Variants in SRPK2 observed in about 807,000 individuals in gnomAD.
SRPK2 encodes SRSF protein kinase 2, also known as SFRS protein kinase 2.
Under a neutral mutation model 90.8 loss-of-function variants are expected in SRPK2, and 21 were observed. The ratio of observed to expected loss-of-function variants is 0.23; its 90% CI spans 0.16 to 0.33. The LOEUF (loss-of-function observed/expected upper bound fraction) is 0.33. Ranked by LOEUF, SRPK2 falls within the 10% of genes least tolerant of loss-of-function variation. SRPK2 has a pLI of 1.00. For missense variants in SRPK2, 620 were observed against 869.0 expected (o/e 0.71, Z 3.60); for synonymous variants, 288 against 311.1 (o/e 0.93, Z 0.78).
At chr7:105,383,991 T>C (rs1054414941) in intron 2 of SRPK2, among the ~76,000 whole-genome samples, 7 of 152,240 alleles carry the variant, frequency 4.6e-5, no homozygotes, top group African/African-American at 1.7e-4. Context: ...GGGAAATAAA[T>C]ATGGAGTTTC....
chr7:105,240,202 G>A (rs142032761), intron 2 of SRPK2, among the ~76,000 whole-genome samples: 1 of 152,264 alleles, frequency 6.6e-6, no homozygotes, highest in Non-Finnish European at 1.5e-5. Flanking sequence ...TCCTCATGGT[G>A]GAAGATGCAA....
intron 2 of SRPK2, among the ~76,000 whole-genome samples, chr7:105,352,254 T>C (rs1817281453): frequency 6.6e-6 from 1 of 152,230 alleles, no homozygotes; most frequent in South Asian, 2.1e-4. Context: ...GTGTGGGCTG[T>C]ACCCAGTAAC....
chr7:105,240,032 C>T (rs966567607), intron 2 of SRPK2, among the ~76,000 whole-genome samples: 8 of 152,192 alleles, frequency 5.3e-5, no homozygotes, highest in African/African-American at 1.9e-4. Context: ...AGGTCTTACT[C>T]TGTTTAGGTT....
At chr7:105,127,145 C>A in intron 13 of SRPK2, 83 bp from the exon 14 acceptor site, 1 of 1,322,602 alleles carries the variant, frequency 7.6e-7, no homozygotes. Context: ...GAAGAGACCG[C>A]CACTTTATGA....
intron 7 of SRPK2, among the ~76,000 whole-genome samples, chr7:105,149,421 T>C (rs1479195817): frequency 6.6e-6 from 1 of 152,160 alleles, no homozygotes; most frequent in Non-Finnish European, 1.5e-5. Flanking sequence ...GCTGACCTTC[T>C]CCTTATTATC....
In SRPK2 at chr7:105,143,235, T is replaced by C. The variant is rs747503799; in HGVS notation, c.909A>G (p.Glu303=). The C allele has an allele frequency of 1.2e-6, 2 of 1,614,236 alleles. No homozygotes were observed. The highest frequency in any genetic ancestry group is 1.1e-5 in the South Asian group (1 of 91,086). The change falls in exon 10 of 16, where the codon GAA becomes GAG. Residue 303 remains glutamate (E), a synonymous_variant. Coordinates refer to ENST00000393651, the MANE Select transcript of SRPK2 (RefSeq NM_182692.3). The part of the protein sequence containing the change: ...LLEKRLQEIE[E]LEREAERKII... The stretch of plus-strand genomic sequence containing the variant: ...TTTTCCTTTCAGCTTCTCGCTCCAA[T>C]TCTTCTATCTCCTGCAGGCGCTTCT...
intron 3 of SRPK2, among the ~76,000 whole-genome samples, chr7:105,178,416 T>C (rs540156438): frequency 1.5e-4 from 23 of 152,340 alleles, no homozygotes; most frequent in African/African-American, 5.5e-4. Context: ...ATCTCTGTTA[T>C]TACAGTCAAA....
intron 2 of SRPK2, among the ~76,000 whole-genome samples, chr7:105,236,848 G>T (rs1417275821): frequency 6.6e-6 from 1 of 152,118 alleles, no homozygotes; most frequent in Non-Finnish European, 1.5e-5. Context: ...CTAAATAAAT[G>T]AAAAGACACA....
chr7:105,144,818 C>T (rs145691356), intron 9 of SRPK2, among the ~76,000 whole-genome samples: 23 of 152,212 alleles, frequency 1.5e-4, no homozygotes, highest in African/African-American at 5.3e-4. Context: ...TAAAACTTAA[C>T]AAGACAGGCT....
intron 13 of SRPK2, among the ~76,000 whole-genome samples, chr7:105,131,978 G>A (rs969961258): frequency 1.9e-4 from 29 of 152,124 alleles, no homozygotes; most frequent in African/African-American, 3.6e-4. Context: ...GAACTGGCTC[G>A]CAAATGCAGG....
chr7:105,344,840 T>TA (rs35086357), intron 2 of SRPK2, among the ~76,000 whole-genome samples: 68,019 of 141,206 alleles, frequency 0.48, 16,661 homozygotes, highest in Non-Finnish European at 0.54. Flanking sequence ...CACTCACACT[T>TA]AAAAAAAAAA....
intron 7 of SRPK2, among the ~76,000 whole-genome samples, chr7:105,149,351 G>C (rs181531920): frequency 9.8e-5 from 15 of 152,288 alleles, no homozygotes; most frequent in South Asian, 6.2e-4. Context: ...TGCACGTCCA[G>C]TCATAGTACC....
intron 7 of SRPK2, among the ~76,000 whole-genome samples, chr7:105,150,377 C>A (rs1805460343): frequency 6.6e-6 from 1 of 152,086 alleles, no homozygotes; most frequent in South Asian, 2.1e-4. Context: ...AAAAACTGCA[C>A]AGGCATAGTG....
intron 14 of SRPK2, among the ~76,000 whole-genome samples, chr7:105,126,563 C>T (rs1348595449): frequency 2.0e-5 from 3 of 152,282 alleles, no homozygotes; most frequent in South Asian, 4.1e-4. Context: ...ACCCCAGCAT[C>T]GCAAGCAAAT....
chr7:105,197,734 T>A (rs1795092115), intron 3 of SRPK2, among the ~76,000 whole-genome samples: 1 of 151,942 alleles, frequency 6.6e-6, no homozygotes, highest in Non-Finnish European at 1.5e-5. Context: ...ATACCGTGGG[T>A]AATAAAGGAA....
chr7:105,137,862 C>A (rs1364183128), intron 11 of SRPK2, among the ~76,000 whole-genome samples: 1 of 152,164 alleles, frequency 6.6e-6, no homozygotes, highest in East Asian at 1.9e-4. Context: ...CTCAAATTCA[C>A]GAAGTACCGT....
intron 3 of SRPK2, among the ~76,000 whole-genome samples, chr7:105,181,142 G>T (rs1202580477): frequency 6.6e-6 from 1 of 152,152 alleles, no homozygotes; most frequent in African/African-American, 2.4e-5. Flanking sequence ...AATCATTAGA[G>T]AAATGCAAAT....
chr7:105,377,449 T>G (rs975191093), intron 2 of SRPK2, among the ~76,000 whole-genome samples: 5 of 151,852 alleles, frequency 3.3e-5, no homozygotes, highest in African/African-American at 1.2e-4. Context: ...TCCCAGCACT[T>G]TGGGGGGCGG....
intron 2 of SRPK2, chr7:105,304,238 C>T (rs1810903635): frequency 6.6e-6 from 1 of 152,136 alleles, no homozygotes; most frequent in African/African-American, 2.4e-5. Flanking sequence ...GCTCACAGTC[C>T]ATGAGTCAAA....
Sources: gnomAD v4.1 joint callset for allele counts (sites outside exome capture counted in the v4.1 genomes callset) on GRCh38, gnomAD v4.1.1 for gene constraint, MANE v1.5 for transcripts, NCBI Gene and HGNC (gene_info 2026-07-23, HGNC 2026-07-21) for gene names.